The following ATRNL1 variants were observed in gnomAD, a reference collection of about 807,000 sequenced individuals.
ATRNL1 encodes the protein attractin-like protein 1.
ATRNL1 carries 95 observed loss-of-function variants against 182.7 expected under a neutral mutation model. The observed-to-expected ratio is 0.52, with a 90% CI of 0.44 to 0.62. ATRNL1 has a LOEUF of 0.62. Ranked by LOEUF, ATRNL1 falls within the 20% of genes least tolerant of loss-of-function variation. The pLI is 0.00. For synonymous variants in ATRNL1, 576 were observed against 568.3 expected (o/e 1.01, Z -0.19); for missense variants, 1,471 against 1,679.5 (o/e 0.88, Z 2.17).
intron 18 of ATRNL1, among the ~76,000 whole-genome samples, chr10:115,332,855 A>G (rs1363854141): frequency 6.6e-6 from 1 of 151,876 alleles, no homozygotes; most frequent in Non-Finnish European, 1.5e-5. Flanking sequence ...TTCCATATAC[A>G]TATTTGTTTC....
chr10:115,635,029 C>T (rs547853980), intron 26 of ATRNL1, among the ~76,000 whole-genome samples: 2 of 152,104 alleles, frequency 1.3e-5, no homozygotes, highest in East Asian at 3.9e-4. Flanking sequence ...TGTTATAAAT[C>T]TAAATGTGAA....
At chr10:115,397,292 T>C (rs1439975888) in intron 20 of ATRNL1, among the ~76,000 whole-genome samples, 1 of 151,982 alleles carries the variant, frequency 6.6e-6, no homozygotes, top group African/African-American at 2.4e-5. Context: ...TATACCAATT[T>C]CTTACATTAG....
At position 115,799,682 on chromosome 10, in the gene ATRNL1, C is replaced by G. The variant is rs998566519; in HGVS notation, c.3904-48195C>G. On this transcript the variant is annotated intron_variant, in intron 27 of 28. Transcript: ENST00000355044. ...AGGTGAAATTTGCATCAAATAGACT[C>G]AGAACTTCCAGATGTCCAGTTGCAC... 5.3e-5 allele frequency among the ~76,000 whole-genome samples: 8 copies of G among 152,152 alleles called. No homozygotes were observed. In the East Asian group the frequency reaches 1.5e-3, roughly 29 times the overall value.
intron 19 of ATRNL1, among the ~76,000 whole-genome samples, chr10:115,340,943 G>A (rs559273739): frequency 4.0e-4 from 61 of 151,068 alleles, no homozygotes; most frequent in Non-Finnish European, 5.5e-4. Flanking sequence ...CTGGCTAAAG[G>A]TTTTTCTATT....
chr10:115,813,111 C>T (rs1196081133), intron 27 of ATRNL1, among the ~76,000 whole-genome samples: 1 of 151,880 alleles, frequency 6.6e-6, no homozygotes, highest in African/African-American at 2.4e-5. Context: ...GGTTCTTTTG[C>T]CCACCCTGCC....
rs141438252 is a variant in ATRNL1, at chr10:115,609,021, T to G, written c.3795+59485T>G. Reference sequence around the variant, plus strand: ...CTAAATAATATACTTGTATTATTAATATAAATATTTTGCTAATAAATATCT... The same window carrying G: ...CTAAATAATATACTTGTATTATTAAGATAAATATTTTGCTAATAAATATCT... On this transcript the variant is annotated intron_variant, in intron 26 of 28. Transcript: ENST00000355044. Among the ~76,000 whole-genome samples, 672 of 152,140 alleles carry G rather than the reference T, an allele frequency of 4.4e-3. 5 individuals carry two copies. Among genetic ancestry groups the G allele is most frequent in the African/African-American group, 0.016 (649 of 41,568 alleles).
intron 26 of ATRNL1, among the ~76,000 whole-genome samples, chr10:115,693,588 G>C (rs1485299070): frequency 6.6e-6 from 1 of 152,070 alleles, no homozygotes; most frequent in Admixed American, 6.6e-5. Context: ...GTTCATCATA[G>C]TATGAACATC....
intron 26 of ATRNL1, among the ~76,000 whole-genome samples, chr10:115,628,212 A>G (rs902830718): frequency 5.9e-5 from 9 of 151,988 alleles, no homozygotes; most frequent in African/African-American, 1.9e-4. Flanking sequence ...CCAGCGATGT[A>G]TGCGAGTTTC....
At chr10:115,395,023 CCT>C (rs1183802967) in intron 20 of ATRNL1, among the ~76,000 whole-genome samples, 3 of 151,526 alleles carry the variant, frequency 2.0e-5, no homozygotes, top group Non-Finnish European at 3.0e-5. Flanking sequence ...CCCCTTCCTG[CCT>C]CTCTCTCTCT....
chr10:115,882,058 G>T lies in ATRNL1; in HGVS notation c.4018+34067G>T, dbSNP rs185573694. The stretch of plus-strand genomic sequence containing the variant: ...GTCTTTACTTATTTCCCCAGCCTTG[G>T]TTCCTAACACTCATGCCCCATCTCC... On this transcript the variant is annotated intron_variant, in intron 28 of 28. Transcript: ENST00000355044. 7.4e-4 allele frequency among the ~76,000 whole-genome samples: 113 copies of T among 152,250 alleles called. 1 individual carries two copies. The highest frequency in any genetic ancestry group is 2.6e-3 in the African/African-American group (110 of 41,550).
intron 8 of ATRNL1, among the ~76,000 whole-genome samples, chr10:115,172,034 T>C (rs1443896216): frequency 6.6e-6 from 1 of 152,072 alleles, no homozygotes; most frequent in Non-Finnish European, 1.5e-5. Context: ...TGGACAACTA[T>C]ATATACAACT....
chr10:115,177,714 A>G (rs1441279441), intron 8 of ATRNL1, among the ~76,000 whole-genome samples: 1 of 151,716 alleles, frequency 6.6e-6, no homozygotes, highest in Non-Finnish European at 1.5e-5. Context: ...ACCTCAAGAG[A>G]TCTGCCTGTT....
At chr10:115,338,556 C>G (rs1554937396) in intron 19 of ATRNL1, among the ~76,000 whole-genome samples, 1 of 152,050 alleles carries the variant, frequency 6.6e-6, no homozygotes, top group African/African-American at 2.4e-5. Flanking sequence ...AATATTTTGC[C>G]CACTTTTTGA....
chr10:115,936,242 GA>G (rs1472118433), intron 28 of ATRNL1, among the ~76,000 whole-genome samples: 2 of 152,086 alleles, frequency 1.3e-5, no homozygotes, highest in African/African-American at 4.8e-5. Context: ...TGACATTTTT[GA>G]ACTCTTATAT....
intron 25 of ATRNL1, among the ~76,000 whole-genome samples, chr10:115,533,083 T>C (rs1357750608): frequency 6.6e-6 from 1 of 152,234 alleles, no homozygotes; most frequent in Admixed American, 6.5e-5. Context: ...GTTGTGTCTC[T>C]GCCCGGCTTT....
chr10:115,852,566 T>G (rs1186605733), intron 28 of ATRNL1, among the ~76,000 whole-genome samples: 2 of 152,146 alleles, frequency 1.3e-5, no homozygotes, highest in Non-Finnish European at 2.9e-5. Context: ...ACCAAAACTC[T>G]AGAGAGATTA....
intron 26 of ATRNL1, among the ~76,000 whole-genome samples, chr10:115,600,749 T>G (rs782287385): frequency 2.0e-5 from 3 of 151,998 alleles, no homozygotes; most frequent in Non-Finnish European, 2.9e-5. Flanking sequence ...TGATAAAATT[T>G]TATTCTGCGG....
chr10:115,563,863 C>T (rs1460023975), intron 26 of ATRNL1, among the ~76,000 whole-genome samples: 1 of 151,980 alleles, frequency 6.6e-6, no homozygotes, highest in African/African-American at 2.4e-5. Context: ...CAGTGGTTCA[C>T]TATAACAGTG....
Position 115,218,470 on chromosome 10 carries a change from C to T in ATRNL1, c.1532+2590C>T, listed in dbSNP as rs982068308. On this transcript the variant is annotated intron_variant, in intron 9 of 28. Coordinates refer to ENST00000355044, the MANE Select transcript of ATRNL1 (RefSeq NM_207303.4). ...GATCCTCTTCTAGCATGGACAAAGT[C>T]GATTCACCTGGCTTACTCGCAAATG... Among the ~76,000 whole-genome samples, 6 of 152,192 alleles carry T rather than the reference C, an allele frequency of 3.9e-5. No homozygotes were observed. The East Asian group carries it at 9.6e-4, about 24-fold the overall frequency.
Sources: allele counts gnomAD v4.1 joint callset (sites outside exome capture counted in the v4.1 genomes callset), GRCh38; gene constraint gnomAD v4.1.1; transcripts MANE v1.5; gene names NCBI Gene and HGNC (gene_info 2026-07-23, HGNC 2026-07-21).